The following BAZ1A variants were observed in gnomAD, a reference collection of about 807,000 sequenced individuals.
The protein encoded by BAZ1A is bromodomain adjacent to zinc finger domain 1A, also known as bromodomain adjacent to zinc finger domain protein 1A.
BAZ1A carries 50 observed loss-of-function variants against 185.2 expected under a neutral mutation model. The ratio of observed to expected loss-of-function variants is 0.27; its 90% CI spans 0.22 to 0.34. BAZ1A has a LOEUF of 0.34. Among genes scored for constraint, BAZ1A ranks in the 10% least tolerant of loss-of-function variants. The pLI, the probability that BAZ1A is intolerant of heterozygous loss-of-function variation, is 1.00. For synonymous variants in BAZ1A, 571 were observed against 615.6 expected, an observed-to-expected ratio of 0.93 and a Z score of 1.07; for missense variants, 1,356 against 1,839.9, an observed-to-expected ratio of 0.74 and a Z score of 4.81.
intron 23 of BAZ1A, among the ~76,000 whole-genome samples, chr14:34,763,809 C>G (rs1878609830): frequency 6.6e-6 from 1 of 151,946 alleles, no homozygotes; most frequent in Non-Finnish European, 1.5e-5. Flanking sequence ...TGCATGCACA[C>G]TTAGGAGACT....
intron 24 of BAZ1A, among the ~76,000 whole-genome samples, chr14:34,760,008 G>A (rs1464542851): frequency 1.3e-5 from 2 of 151,976 alleles, no homozygotes; most frequent in East Asian, 3.9e-4. Context: ...GATAATGTTC[G>A]AAAAGCAAAA....
Position 34,826,040 on chromosome 14 carries a change from T to C in BAZ1A, c.509A>G (p.Glu170Gly), listed in dbSNP as rs773533825. ...ATTTTGAAAAGAACAGCTTTGTGTT[T>C]CTGAATCATCACTATCACTGATGAT... ...TIIISDSDDS[E>G]TQSCSFQNGK... is the part of the protein sequence containing the mutation. The change falls in exon 4 of 27, where the codon GAA becomes GGA. Residue 170 changes from glutamate (E) to glycine (G), a missense_variant. Around this residue, in one of 7 missense-constraint regions of BAZ1A, gnomAD observed 332 missense variants for 395.3 expected, o/e 0.84. Coordinates refer to ENST00000360310, the MANE Select transcript of BAZ1A (RefSeq NM_013448.3). The C allele has an allele frequency of 8.7e-5, 139 of 1,589,322 alleles. No homozygotes were observed. Among genetic ancestry groups the C allele is most frequent in the Non-Finnish European group, 1.1e-4 (133 of 1,167,508 alleles).
At chr14:34,801,698 C>T (rs111721744) in intron 7 of BAZ1A, among the ~76,000 whole-genome samples, 8,718 of 152,072 alleles carry the variant, frequency 0.057, 460 homozygotes, top group Admixed American at 0.17. Flanking sequence ...TACTTGAGGT[C>T]GGGCGTTTGA....
intron 3 of BAZ1A, among the ~76,000 whole-genome samples, chr14:34,856,211 C>T (rs142614146): frequency 4.1e-4 from 62 of 151,926 alleles, no homozygotes; most frequent in South Asian, 1.0e-3. Flanking sequence ...CTTGGATGCT[C>T]TTGAGTTACC....
intron 3 of BAZ1A, among the ~76,000 whole-genome samples, chr14:34,832,191 T>TACACACACACACACACACACAC (rs57379319): frequency 9.3e-5 from 9 of 96,556 alleles, no homozygotes; most frequent in East Asian, 8.4e-4. Flanking sequence ...TATATACATA[T>TACACACACACACACACACACAC]ACACACACAC....
At chr14:34,829,290 A>C (rs2042206420) in intron 3 of BAZ1A, among the ~76,000 whole-genome samples, 1 of 129,206 alleles carries the variant, frequency 7.7e-6, no homozygotes, top group Non-Finnish European at 1.7e-5. Context: ...AAAAAAAAAA[A>C]AGCCAGGCAT....
At chr14:34,791,173 G>A (rs1472392070) in intron 12 of BAZ1A, among the ~76,000 whole-genome samples, 2 of 151,990 alleles carry the variant, frequency 1.3e-5, no homozygotes. Context: ...GAGTAGTAAT[G>A]GCAATTCAAA....
chr14:34,755,771 C>T (rs988613189), intron 25 of BAZ1A, among the ~76,000 whole-genome samples: 1 of 151,440 alleles, frequency 6.6e-6, no homozygotes, highest in African/African-American at 2.4e-5. Flanking sequence ...ATCTCATATC[C>T]TTCAGTTTGA....
intron 9 of BAZ1A, among the ~76,000 whole-genome samples, chr14:34,796,853 C>A (rs1241306707): frequency 1.3e-5 from 2 of 152,196 alleles, no homozygotes; most frequent in Admixed American, 6.5e-5. Flanking sequence ...TTATCCACCC[C>A]CAACCTCAGA....
intron 4 of BAZ1A, among the ~76,000 whole-genome samples, chr14:34,816,246 C>T (rs187985591): frequency 1.1e-3 from 167 of 152,066 alleles, no homozygotes; most frequent in African/African-American, 3.9e-3. Context: ...TGCCACCACG[C>T]CTGGCTAATT....
At chr14:34,764,322 GCTCTTGT>G (rs1426816897) in intron 23 of BAZ1A, among the ~76,000 whole-genome samples, 122 of 119,100 alleles carry the variant, frequency 1.0e-3, no homozygotes, top group Admixed American at 1.7e-3. Flanking sequence ...ATGGAGTCTC[GCTCTTGT>G]CACCCAGACT....
At chr14:34,819,609 A>G (rs1448839943) in intron 4 of BAZ1A, among the ~76,000 whole-genome samples, 1 of 152,118 alleles carries the variant, frequency 6.6e-6, no homozygotes, top group African/African-American at 2.4e-5. Flanking sequence ...TTTAATATCT[A>G]ATTTCTTTTT....
At chr14:34,830,769 C>CTT (rs1296749026) in intron 3 of BAZ1A, among the ~76,000 whole-genome samples, 1,321 of 128,398 alleles carry the variant, frequency 0.01, 33 homozygotes, top group African/African-American at 0.031. Flanking sequence ...TCTACAACTC[C>CTT]TTTTTTTTTT....
intron 21 of BAZ1A, among the ~76,000 whole-genome samples, chr14:34,765,717 G>A (rs570115356): frequency 6.6e-6 from 1 of 152,162 alleles, no homozygotes; most frequent in African/African-American, 2.4e-5. Flanking sequence ...ATTGTGGTAA[G>A]TAAAAACAAT....
At chr14:34,770,256 C>T (rs918243271) in intron 21 of BAZ1A, among the ~76,000 whole-genome samples, 5 of 152,112 alleles carry the variant, frequency 3.3e-5, no homozygotes, top group African/African-American at 9.7e-5. Flanking sequence ...CAGGTTCAAG[C>T]GATTCTCCTG....
chr14:34,864,324 A>C (rs1316164506), intron 2 of BAZ1A, among the ~76,000 whole-genome samples: 4 of 151,694 alleles, frequency 2.6e-5, no homozygotes, highest in African/African-American at 9.7e-5. Context: ...TTGTATTTTT[A>C]GTAGAGATGG....
Position 34,772,514 on chromosome 14 carries a change from T to C in BAZ1A, c.3153-855A>G, listed in dbSNP as rs565603149. Among the ~76,000 whole-genome samples, 285 of 152,318 alleles carry C rather than the reference T, an allele frequency of 1.9e-3. 1 individual carries two copies. The highest frequency in any genetic ancestry group is 6.7e-3 in the African/African-American group (278 of 41,574). On this transcript the variant is annotated intron_variant, in intron 20 of 26. Coordinates refer to ENST00000360310, the MANE Select transcript of BAZ1A (RefSeq NM_013448.3). ...TGTTTCTCCACTGTTCCCTTCTAGATGACAAACTGCTTAAAGGCATATAAT... is the reference window on the plus strand; with the variant it reads ...TGTTTCTCCACTGTTCCCTTCTAGACGACAAACTGCTTAAAGGCATATAAT...
intron 9 of BAZ1A, 107 bp downstream of exon 9, chr14:34,800,117 A>T (rs1881426650): frequency 9.1e-7 from 1 of 1,104,520 alleles, no homozygotes; most frequent in South Asian, 2.5e-5. Context: ...CACATTCATA[A>T]ATGTGAATGA....
intron 3 of BAZ1A, among the ~76,000 whole-genome samples, chr14:34,848,535 G>A (rs1316779653): frequency 1.8e-4 from 28 of 152,216 alleles, no homozygotes; most frequent in Admixed American, 1.4e-3. Flanking sequence ...CCCAGGAGGC[G>A]GAGTTGCAGT....
Sources: gnomAD v4.1 joint callset for allele counts (sites outside exome capture counted in the v4.1 genomes callset) on GRCh38, gnomAD v4.1.1 for gene constraint, gnomAD v4.1.1 regional missense constraint, MANE v1.5 for transcripts, NCBI Gene and HGNC (gene_info 2026-07-23, HGNC 2026-07-21) for gene names.